Variants in FOXP2 observed in about 807,000 individuals in gnomAD.
The protein encoded by FOXP2 is forkhead box protein P2.
FOXP2 carries 12 observed loss-of-function variants against 115.8 expected under a neutral mutation model. That is an observed-to-expected ratio of 0.10 (90% CI 0.07 to 0.17). The LOEUF is 0.17. FOXP2 is among the 10% of genes least tolerant of loss of function. The pLI is 1.00. For missense variants in FOXP2, 629 were observed against 843.5 expected (o/e 0.75, Z 3.15); for synonymous variants, 328 against 297.7 (o/e 1.10, Z -1.05).
Position 114,372,664 on chromosome 7 carries a change from A to G in FOXP2, c.-10-53838A>G, listed in dbSNP as rs1346340603. ...AGTAACTGATGAGCCAGGGATTTAC[A>G]GCCAATTCTGTCCAATTCCAAAGCT... On this transcript the variant is annotated intron_variant, in intron 2 of 17. Coordinates refer to the FOXP2 transcript ENST00000634411. Among the ~76,000 whole-genome samples the G allele has an allele frequency of 2.0e-5, 3 of 152,290 alleles. No homozygotes were observed. The South Asian group carries it at 6.2e-4, about 32-fold the overall frequency.
At position 114,414,922 on chromosome 7, in the gene FOXP2, G is replaced by GCA. The variant is rs370182773; in HGVS notation, c.-438_-437dup. 16 of 377,738 alleles carry GCA rather than the reference G, an allele frequency of 4.2e-5. No homozygotes were observed. The highest frequency in any genetic ancestry group is 6.0e-5 in the Admixed American group (2 of 33,138). The allele number at this position is 377,738 out of a possible 1,614,324, so 23.4% of individuals were successfully genotyped here. A position where few individuals can be genotyped will look rare whatever the true frequency, so the allele number is the denominator to read the frequency against. ...CACACACTCACACACTCACACACAT[G>GCA]CACACACACACATACACACACACAA... On this transcript the variant is annotated 5_prime_UTR_variant, in exon 1 of 17. The change creates a premature stop within an existing upstream ORF in the 5' untranslated region. Coordinates refer to ENST00000350908, the MANE Select transcript of FOXP2 (RefSeq NM_014491.4).
chr7:114,349,232 C>A (rs1021614407), intron 2 of FOXP2, among the ~76,000 whole-genome samples: 1 of 151,906 alleles, frequency 6.6e-6, no homozygotes, highest in African/African-American at 2.4e-5. Context: ...ATAATCATGG[C>A]ATTTCACTAA....
At chr7:114,652,318 C>T (rs760554836) in intron 9 of FOXP2, 28 bp downstream of exon 9, 115 of 1,598,824 alleles carry the variant, frequency 7.2e-5, no homozygotes, top group Middle Eastern at 5.0e-4. Flanking sequence ...TTAATGGACT[C>T]TTCTTAGATT....
intron 2 of FOXP2, among the ~76,000 whole-genome samples, chr7:114,404,699 G>A (rs142278216): frequency 6.6e-5 from 10 of 152,048 alleles, no homozygotes; most frequent in African/African-American, 2.2e-4. Flanking sequence ...TTTGATTTTT[G>A]TCAGTTTAGT....
intron 2 of FOXP2, among the ~76,000 whole-genome samples, chr7:114,294,840 C>T: frequency 9.0e-6 from 1 of 111,280 alleles, no homozygotes; most frequent in East Asian, 3.0e-4. Flanking sequence ...GACACTGCCT[C>T]AAAATAAATA....
chr7:114,208,374 A>G (rs1794253982), intron 1 of FOXP2, among the ~76,000 whole-genome samples: 1 of 151,974 alleles, frequency 6.6e-6, no homozygotes, highest in African/African-American at 2.4e-5. Flanking sequence ...CAATGCGTGT[A>G]CCCCCATTGT....
At chr7:114,232,857 A>G (rs182169078) in intron 1 of FOXP2, among the ~76,000 whole-genome samples, 1 of 152,246 alleles carries the variant, frequency 6.6e-6, no homozygotes, top group East Asian at 1.9e-4. Flanking sequence ...ACATCCTATT[A>G]TATGCTATAA....
At chr7:114,655,179 T>A (rs1292858756) in intron 10 of FOXP2, among the ~76,000 whole-genome samples, 1 of 152,168 alleles carries the variant, frequency 6.6e-6, no homozygotes, top group East Asian at 1.9e-4. Context: ...ATCTTTTCAA[T>A]AAGATTTTTT....
Position 114,692,343 on chromosome 7 carries a change from A to C in FOXP2, c.*2417A>C, listed in dbSNP as rs1353151726. 1 of 453,952 alleles carries C rather than the reference A, an allele frequency of 2.2e-6. No homozygotes were observed. 28.1% of individuals were successfully genotyped at this position (453,952 alleles called of 1,614,324 possible). On this transcript the variant is annotated 3_prime_UTR_variant, in exon 17 of 17. Transcript: ENST00000350908. ...AGAGTTTTGCATGGGTTTTATATGA[A>C]TACAATTTTAAAAAATAGCTGCTTG... is the stretch of plus-strand genomic sequence containing the variant.
chr7:114,306,820 C>A (rs1797025357), intron 2 of FOXP2, among the ~76,000 whole-genome samples: 1 of 151,994 alleles, frequency 6.6e-6, no homozygotes, highest in African/African-American at 2.4e-5. Flanking sequence ...GCCTACATTT[C>A]TTGGCTTGGA....
chr7:114,660,568 T>C (rs544906257), intron 13 of FOXP2, among the ~76,000 whole-genome samples: 1 of 152,260 alleles, frequency 6.6e-6, no homozygotes, highest in South Asian at 2.1e-4. Context: ...GGTGTGAGAC[T>C]CAGAATGCTT....
intron 3 of FOXP2, among the ~76,000 whole-genome samples, chr7:114,539,616 G>C (rs980942266): frequency 6.6e-6 from 1 of 151,932 alleles, no homozygotes; most frequent in East Asian, 1.9e-4. Flanking sequence ...GTCTTGTGTG[G>C]CTCTTATTTT....
At chr7:114,439,036 T>G (rs1794476269) in intron 2 of FOXP2, among the ~76,000 whole-genome samples, 1 of 152,192 alleles carries the variant, frequency 6.6e-6, no homozygotes, top group African/African-American at 2.4e-5. Context: ...AGTAAATTAA[T>G]AATTTTAAAA....
chr7:114,119,256 G>C (rs758059564), intron 1 of FOXP2, among the ~76,000 whole-genome samples: 7 of 152,070 alleles, frequency 4.6e-5, no homozygotes, highest in Non-Finnish European at 1.0e-4. Flanking sequence ...CTGTATTGAA[G>C]AGCTTCTACT....
chr7:114,514,133 C>T (rs1798213943), intron 2 of FOXP2, among the ~76,000 whole-genome samples: 1 of 151,246 alleles, frequency 6.6e-6, no homozygotes, highest in African/African-American at 2.4e-5. Context: ...TAAATATATA[C>T]AATACTATGC....
At chr7:114,442,012 A>G (rs1172742477) in intron 2 of FOXP2, among the ~76,000 whole-genome samples, 11 of 152,170 alleles carry the variant, frequency 7.2e-5, no homozygotes, top group Non-Finnish European at 1.3e-4. Flanking sequence ...GTATCTATGC[A>G]AGAGGAATGG....
intron 1 of FOXP2, among the ~76,000 whole-genome samples, chr7:114,256,956 A>G (rs1378205298): frequency 6.6e-6 from 1 of 152,246 alleles, no homozygotes; most frequent in Non-Finnish European, 1.5e-5. Flanking sequence ...GTTAAAATTC[A>G]TATGGAACCA....
At chr7:114,578,306 A>G (rs1801675402) in intron 3 of FOXP2, among the ~76,000 whole-genome samples, 1 of 152,002 alleles carries the variant, frequency 6.6e-6, no homozygotes, top group Non-Finnish European at 1.5e-5. Context: ...CCCTGTTACT[A>G]CATTGCCAGA....
chr7:114,226,023 G>C lies in FOXP2; in HGVS notation c.-101-61996G>C, dbSNP rs936161366. Among the ~76,000 whole-genome samples, 8 of 152,230 alleles carry C rather than the reference G, an allele frequency of 5.3e-5. No individual in the cohort carries two copies. The East Asian group carries it at 1.6e-3, about 30-fold the overall frequency. ...ACTTGTTAACTTTAGGAATCACACA[G>C]GTGGTTGTCATAGAACACAATATCC... On this transcript the variant is annotated intron_variant, in intron 1 of 17. Coordinates refer to the FOXP2 transcript ENST00000634411.
Sources: allele counts gnomAD v4.1 joint callset (sites outside exome capture counted in the v4.1 genomes callset), GRCh38; gene constraint gnomAD v4.1.1; transcripts MANE v1.5; gene names NCBI Gene and HGNC (gene_info 2026-07-23, HGNC 2026-07-21).